TMTC4: variants seen among roughly 807,000 people sequenced by gnomAD.
TMTC4 encodes protein O-mannosyl-transferase TMTC4.
A neutral mutation model predicts 86.0 loss-of-function variants in TMTC4; 65 were observed. The observed-to-expected ratio is 0.76, with a 90% CI of 0.62 to 0.93. The LOEUF (loss-of-function observed/expected upper bound fraction) is 0.93. Among genes scored for constraint, TMTC4 ranks in the 40% least tolerant of loss-of-function variants. The pLI is 0.00. For missense variants in TMTC4, 866 were observed against 948.1 expected (o/e 0.91, Z 1.14); for synonymous variants, 379 against 382.5 (o/e 0.99, Z 0.11).
chr13:100,624,151 C>A (rs1045771617), intron 15 of TMTC4: 1 of 158,820 alleles, frequency 6.3e-6, no homozygotes, highest in Non-Finnish European at 1.4e-5. Flanking sequence ...ATGGTGAAAT[C>A]CCGTCTCTAC....
At chr13:100,663,623 TCCC>T (rs1566641155) in intron 4 of TMTC4, among the ~76,000 whole-genome samples, 1 of 152,056 alleles carries the variant, frequency 6.6e-6, no homozygotes, top group Non-Finnish European at 1.5e-5. Flanking sequence ...CCACCAGCCT[TCCC>T]CCAACGAAAC....
At chr13:100,633,222 T>A (rs1019055020) in intron 12 of TMTC4, among the ~76,000 whole-genome samples, 4 of 143,436 alleles carry the variant, frequency 2.8e-5, no homozygotes, top group Non-Finnish European at 6.0e-5. Context: ...GGCAGGAGAA[T>A]CGCTTGAACC....
intron 15 of TMTC4, among the ~76,000 whole-genome samples, chr13:100,617,745 G>A (rs958730710): frequency 1.3e-5 from 2 of 152,244 alleles, no homozygotes; most frequent in Admixed American, 6.5e-5. Context: ...TGGCCTTACA[G>A]TATAGTTTGA....
chr13:100,674,901 C>T (rs1335337954), upstream of TMTC4: 12 of 983,856 alleles, frequency 1.2e-5, no homozygotes, highest in African/African-American at 1.8e-5. Context: ...CGCGCGGGCG[C>T]CCCCCAGCAC....
At chr13:100,671,831 C>T (rs1036018566) in intron 1 of TMTC4, among the ~76,000 whole-genome samples, 1 of 147,760 alleles carries the variant, frequency 6.8e-6, no homozygotes, top group Admixed American at 6.9e-5. Context: ...TTACTGTTAA[C>T]GTACATAGTG....
intron 6 of TMTC4, among the ~76,000 whole-genome samples, chr13:100,649,259 C>T (rs1884128407): frequency 6.6e-6 from 1 of 152,116 alleles, no homozygotes; most frequent in Admixed American, 6.5e-5. Context: ...GTTTAGATGG[C>T]CCAGACTAGT....
chr13:100,642,341 A>C, intron 6 of TMTC4, 30 bp from the exon 7 acceptor site: 1 of 1,611,440 alleles, frequency 6.2e-7, no homozygotes, highest in Non-Finnish European at 8.5e-7. Context: ...ATCAGTGCAA[A>C]AGTCATGGAA....
chr13:100,659,597 G>A (rs1305406701), intron 5 of TMTC4, among the ~76,000 whole-genome samples: 1 of 152,022 alleles, frequency 6.6e-6, no homozygotes, highest in Non-Finnish European at 1.5e-5. Flanking sequence ...GCCACACAGA[G>A]CTGAAGAGCC....
rs1023610620 is a variant in TMTC4, at chr13:100,629,021, C to T, written c.1507-2871G>A. ...AAAATTAGCTGGGTGTGGTAGTGCA[C>T]GCCTGTAATCTCAGCTACTTGGGAG... On this transcript the variant is annotated intron_variant, in intron 12 of 18. Coordinates refer to ENST00000342624, the MANE Select transcript of TMTC4 (RefSeq NM_032813.5). 6.6e-5 allele frequency among the ~76,000 whole-genome samples: 10 copies of T among 152,062 alleles called. No homozygotes were observed. In the East Asian group the frequency reaches 1.2e-3, roughly 18 times the overall value.
chr13:100,660,705 G>A (rs1885675214), intron 5 of TMTC4, among the ~76,000 whole-genome samples: 1 of 151,228 alleles, frequency 6.6e-6, no homozygotes, highest in Non-Finnish European at 1.5e-5. Flanking sequence ...CCAGGCTGGA[G>A]TGCAGTGGCA....
intron 3 of TMTC4, among the ~76,000 whole-genome samples, chr13:100,665,181 A>G (rs1886248158): frequency 6.6e-6 from 1 of 152,210 alleles, no homozygotes; most frequent in Non-Finnish European, 1.5e-5. Context: ...TTAAAAATGC[A>G]TTGTTTTACA....
At chr13:100,614,041 G>C (rs1000676498) in intron 16 of TMTC4, among the ~76,000 whole-genome samples, 1 of 151,730 alleles carries the variant, frequency 6.6e-6, no homozygotes, top group African/African-American at 2.4e-5. Flanking sequence ...GTTTCTCCAT[G>C]TTGGTCAGGC....
At chr13:100,620,111 T>C (rs74118105) in intron 15 of TMTC4, among the ~76,000 whole-genome samples, 2,891 of 152,298 alleles carry the variant, frequency 0.019, 79 homozygotes, top group African/African-American at 0.057. Context: ...GAACTGCTCA[T>C]CCAGGAAGTA....
chr13:100,616,361 C>G (rs891299568), intron 15 of TMTC4, among the ~76,000 whole-genome samples: 1 of 152,110 alleles, frequency 6.6e-6, no homozygotes, highest in Non-Finnish European at 1.5e-5. Context: ...CACCACCATG[C>G]CCAGCTAATT....
intron 15 of TMTC4, among the ~76,000 whole-genome samples, chr13:100,619,101 C>G (rs375913680): frequency 0.019 from 2,828 of 148,278 alleles, 78 homozygotes; most frequent in African/African-American, 0.058. Flanking sequence ...CCGGACGGGG[C>G]GGCTGGCCGG....
chr13:100,626,186 G>C (rs1230052701), intron 12 of TMTC4, 36 bp from the exon 13 acceptor site: 5 of 1,602,388 alleles, frequency 3.1e-6, no homozygotes, highest in Non-Finnish European at 4.3e-6. Flanking sequence ...TCAGCAGACA[G>C]ACTTCTTGTT....
intron 15 of TMTC4, among the ~76,000 whole-genome samples, chr13:100,616,752 C>T (rs1878565582): frequency 6.6e-6 from 1 of 152,120 alleles, no homozygotes; most frequent in African/African-American, 2.4e-5. Flanking sequence ...TTTTGATTTG[C>T]ATTTCTCTAA....
rs914050691 is a variant in TMTC4 at position 100,663,166 on chromosome 13, A to G, written c.350T>C (p.Leu117Pro). The G allele has an allele frequency of 5.0e-6, 8 of 1,614,080 alleles. No homozygotes were observed. Among genetic ancestry groups the G allele is most frequent in the Non-Finnish European group, 6.8e-6 (8 of 1,180,056 alleles). ...GCCCACGGGGTGGAAGCCTCCCGAG[A>G]GGTAGTAGTTAATCCTGCAGAAACA... ...TVLTFRINYY[L>P]SGGFHPVGFH... Residue 117 changes from leucine to proline, a missense_variant, in exon 5 of 19, where the codon CTC becomes CCC. By Grantham distance (98) the Leu-to-Pro change is moderately conservative (BLOSUM62 -3). Transcript: ENST00000342624.
At position 100,635,343 on chromosome 13, in the gene TMTC4, C is replaced by A. The variant is rs1398364006; in HGVS notation, c.1203-148G>T. 8 of 892,450 alleles carry A rather than the reference C, an allele frequency of 9.0e-6. No individual in the cohort carries two copies. The Admixed American group carries it at 2.0e-4, about 22-fold the overall frequency. The allele number at this position is 892,450 out of a possible 1,614,324, so 55.3% of individuals were successfully genotyped here. A position where few individuals can be genotyped will look rare whatever the true frequency, so the allele number is the denominator to read the frequency against. On this transcript the variant is annotated intron_variant, in intron 10 of 18. Coordinates refer to ENST00000342624, the MANE Select transcript of TMTC4 (RefSeq NM_032813.5). Reference sequence around the variant, plus strand: ...ATTGTTGTCAGCCAAAGGATATCATCAGTAGAGACAGTTTAGCTTGGTAGC... The same window carrying A: ...ATTGTTGTCAGCCAAAGGATATCATAAGTAGAGACAGTTTAGCTTGGTAGC...
Sources: gnomAD v4.1 joint callset for allele counts (sites outside exome capture counted in the v4.1 genomes callset) on GRCh38, gnomAD v4.1.1 for gene constraint, MANE v1.5 for transcripts, NCBI Gene and HGNC (gene_info 2026-07-23, HGNC 2026-07-21) for gene names.